Variants in RHBDD1 observed in about 807,000 individuals in gnomAD.
RHBDD1 encodes the protein rhomboid-related protein 4.
In RHBDD1, 38 loss-of-function variants were observed where a neutral mutation model predicts 36.3. That is an observed-to-expected ratio of 1.05 (90% confidence interval 0.81 to 1.37). RHBDD1 has a LOEUF of 1.37. Among genes scored for constraint, RHBDD1 ranks in the 40% most tolerant of loss-of-function variants. RHBDD1 has a pLI of 0.00. For synonymous variants in RHBDD1, 151 were observed against 136.5 expected (o/e 1.11, Z -0.74); for missense variants, 393 against 377.6 (o/e 1.04, Z -0.34).
Position 226,914,205 on chromosome 2 carries a change from T to TAA in RHBDD1, c.713-2_713-1insAA, listed in dbSNP as rs753136822. ...TTCTAGAACCTTTTCCTTGTGCCTT[T>TAA]AGGCAGCTCTGGATATCAGGATTAT... On this transcript the variant is annotated splice_polypyrimidine_tract_variant and splice_region_variant and intron_variant, in intron 7 of 8. Transcript: ENST00000392062. 6 of 1,613,430 alleles carry TAA rather than the reference T, an allele frequency of 3.7e-6. No homozygotes were observed. Among genetic ancestry groups the TAA allele is most frequent in the Admixed American group, 1.7e-5 (1 of 59,964 alleles).
intron 8 of RHBDD1, among the ~76,000 whole-genome samples, chr2:226,964,618 A>G (rs973096607): frequency 6.6e-6 from 1 of 152,240 alleles, no homozygotes; most frequent in African/African-American, 2.4e-5. Context: ...CTCTAAAATT[A>G]CAAATAAACA....
rs548534285 is a variant in RHBDD1, at chr2:226,944,781, G to A, written c.856+30430G>A. 1.8e-4 allele frequency among the ~76,000 whole-genome samples: 28 copies of A among 152,224 alleles called. No individual in the cohort carries two copies. In the South Asian group the frequency reaches 4.8e-3, roughly 26 times the overall value. ...AACATCCTTTGTTGTATAAATCAAT[G>A]TTTAAAGTCTAAGTTTTGGACAATC... On this transcript the variant is annotated intron_variant, in intron 8 of 8. Transcript: ENST00000392062.
At chr2:226,940,199 G>C (rs1950576835) in intron 8 of RHBDD1, among the ~76,000 whole-genome samples, 1 of 152,104 alleles carries the variant, frequency 6.6e-6, no homozygotes, top group Non-Finnish European at 1.5e-5. Flanking sequence ...GATTCGATCA[G>C]GCTGGTGCAA....
At chr2:226,946,120 T>G (rs1325779783) in intron 8 of RHBDD1, among the ~76,000 whole-genome samples, 1 of 151,818 alleles carries the variant, frequency 6.6e-6, no homozygotes, top group African/African-American at 2.4e-5. Context: ...CTGATGATAG[T>G]TTTTTTTGCT....
At chr2:226,811,594 C>T in the RHBDD1 span, among the ~76,000 whole-genome samples, 3 of 152,148 alleles carry the variant, frequency 2.0e-5, no homozygotes, top group South Asian at 2.1e-4. Flanking sequence ...TGAGCCACCA[C>T]GCCCAGCCAA....
At chr2:226,917,070 G>C (rs1257881971) in intron 8 of RHBDD1, among the ~76,000 whole-genome samples, 1 of 151,966 alleles carries the variant, frequency 6.6e-6, no homozygotes, top group Non-Finnish European at 1.5e-5. Flanking sequence ...GTAGATTTTT[G>C]AGATGTTTCC....
intron 3 of RHBDD1, among the ~76,000 whole-genome samples, chr2:226,841,929 CTGTTTTCCCTGCAACCTCGCCAGCATG>C (rs1368504500): frequency 6.6e-6 from 1 of 152,200 alleles, no homozygotes; most frequent in African/African-American, 2.4e-5. Flanking sequence ...TAGTAGCATT[CTGTTTTCCCTGCAACCTCGCCAGCATG>C]TGTTGTTTTT....
At chr2:226,906,375 A>G (rs1370266700) in intron 5 of RHBDD1, among the ~76,000 whole-genome samples, 2 of 152,238 alleles carry the variant, frequency 1.3e-5, no homozygotes, top group African/African-American at 2.4e-5. Context: ...CTGCCCTGCC[A>G]TAACACAGAT....
In RHBDD1 at chr2:226,934,930, A is replaced by G. The variant is rs539344837; in HGVS notation, c.856+20579A>G. Among the ~76,000 whole-genome samples, 22 of 151,680 alleles carry G rather than the reference A, an allele frequency of 1.5e-4. No homozygotes were observed. In the South Asian group the frequency reaches 4.0e-3, roughly 27 times the overall value. On this transcript the variant is annotated intron_variant, in intron 8 of 8. Coordinates refer to ENST00000392062, the MANE Select transcript of RHBDD1 (RefSeq NM_001167608.3). ...TGGGTACAAAGCTCTGTCCTTTTCA[A>G]TTTCTATCTGCCAGCGTGCAGCATG...
At chr2:226,806,068 G>C in the RHBDD1 span, among the ~76,000 whole-genome samples, 25,212 of 151,756 alleles carry the variant, frequency 0.17, 3,111 homozygotes, top group African/African-American at 0.35. Flanking sequence ...CAAGGTTAAC[G>C]AACATCTCTC....
Position 226,864,804 on chromosome 2 carries a change from C to T in RHBDD1, c.111C>T (p.Leu37=). The change falls in exon 4 of 9, where the codon CTC becomes CTT. Residue 37 remains leucine (L), a synonymous_variant. Transcript: ENST00000392062. ...IPPVTLATLA[L]NIWFFLNPQK... Reference sequence around the variant, plus strand: ...CTGTCACCCTAGCAACTTTGGCCCTCAACATCTGGTTCTTCTTGAACCCTC... The same window carrying T: ...CTGTCACCCTAGCAACTTTGGCCCTTAACATCTGGTTCTTCTTGAACCCTC... The T allele has an allele frequency of 6.2e-7, 1 of 1,614,206 alleles. No homozygotes were observed. Among genetic ancestry groups the T allele is most frequent in the African/African-American group, 1.3e-5 (1 of 75,060 alleles).
chr2:226,942,797 G>A (rs993280742), intron 8 of RHBDD1, among the ~76,000 whole-genome samples: 1 of 151,946 alleles, frequency 6.6e-6, no homozygotes, highest in Non-Finnish European at 1.5e-5. Context: ...AACTTAATTT[G>A]TCTTTAATAG....
intron 8 of RHBDD1, among the ~76,000 whole-genome samples, chr2:226,977,755 C>G (rs1304810345): frequency 6.6e-6 from 1 of 152,190 alleles, no homozygotes; most frequent in Non-Finnish European, 1.5e-5. Context: ...TTGAAGAAAT[C>G]TTTTGAGGTT....
intron 6 of RHBDD1, chr2:226,908,438 T>C: frequency 5.3e-6 from 1 of 187,310 alleles, no homozygotes; most frequent in Admixed American, 5.4e-5. Flanking sequence ...GGAGGATGGC[T>C]CTCCTAACAC....
At chr2:226,888,109 T>G (rs1043744832) in intron 5 of RHBDD1, among the ~76,000 whole-genome samples, 6 of 152,202 alleles carry the variant, frequency 3.9e-5, no homozygotes, top group Admixed American at 1.3e-4. Context: ...ATAGTTTACT[T>G]CTAGTGAGTA....
intron 8 of RHBDD1, among the ~76,000 whole-genome samples, chr2:226,929,429 A>T (rs1019784259): frequency 2.6e-5 from 4 of 152,122 alleles, no homozygotes; most frequent in African/African-American, 9.6e-5. Flanking sequence ...ATGCATAAAA[A>T]GCATTTGCTA....
At chr2:226,854,467 G>A (rs557793275) in intron 3 of RHBDD1, among the ~76,000 whole-genome samples, 7 of 151,950 alleles carry the variant, frequency 4.6e-5, no homozygotes, top group Non-Finnish European at 1.0e-4. Flanking sequence ...GCTGGCGCGC[G>A]CCTGTAATCC....
intron 8 of RHBDD1, among the ~76,000 whole-genome samples, chr2:226,942,280 C>A (rs1259586018): frequency 6.6e-6 from 1 of 151,508 alleles, no homozygotes; most frequent in Non-Finnish European, 1.5e-5. Flanking sequence ...GTTCTGTCAC[C>A]CAGGCTGGAG....
intron 5 of RHBDD1, among the ~76,000 whole-genome samples, chr2:226,895,174 C>CA (rs1946998014): frequency 6.6e-6 from 1 of 152,196 alleles, no homozygotes; most frequent in African/African-American, 2.4e-5. Flanking sequence ...GTTAGACAGA[C>CA]ACGCTTGTCA....
Sources: gnomAD v4.1 joint callset for allele counts (sites outside exome capture counted in the v4.1 genomes callset) on GRCh38, gnomAD v4.1.1 for gene constraint, MANE v1.5 for transcripts, NCBI Gene and HGNC (gene_info 2026-07-23, HGNC 2026-07-21) for gene names.